SOX6: variants seen among roughly 807,000 people sequenced by gnomAD.
SOX6 encodes transcription factor SOX-6.
A neutral mutation model predicts 97.8 loss-of-function variants in SOX6; 11 were observed. The ratio of observed to expected loss-of-function variants is 0.11; its 90% CI spans 0.07 to 0.19. The LOEUF is 0.19. SOX6 is among the 10% of genes least tolerant of loss of function. The probability of loss-of-function intolerance (pLI) is 1.00; values close to 1 mark genes in which losing one functional copy is unlikely to be tolerated. For missense variants in SOX6, 810 were observed against 1,039.5 expected (o/e 0.78, Z 3.04); for synonymous variants, 360 against 371.4 (o/e 0.97, Z 0.35).
chr11:16,059,366 A>T (rs1159704419), intron 9 of SOX6, among the ~76,000 whole-genome samples: 1 of 152,016 alleles, frequency 6.6e-6, no homozygotes, highest in African/African-American at 2.4e-5. Flanking sequence ...TGATGGTCAC[A>T]TTTCTATCAT....
chr11:16,456,980 T>G (rs1859821804), intron 1 of SOX6, among the ~76,000 whole-genome samples: 1 of 152,116 alleles, frequency 6.6e-6, no homozygotes, highest in African/African-American at 2.4e-5. Flanking sequence ...ACTCATACCT[T>G]ATATTCTATC....
At position 16,259,945 on chromosome 11, in the gene SOX6, ATGTGTGTG is replaced by A. The variant is rs5789946; in HGVS notation, c.446-25282_446-25275del. Among the ~76,000 whole-genome samples, 228 of 149,146 alleles carry A rather than the reference ATGTGTGTG, an allele frequency of 1.5e-3. 1 individual carries two copies. The highest frequency in any genetic ancestry group is 2.6e-3 in the Non-Finnish European group (176 of 67,346). On this transcript the variant is annotated intron_variant, in intron 3 of 15. Coordinates refer to ENST00000683767, the MANE Select transcript of SOX6 (RefSeq NM_001367873.1). ...CATGTTATACTTCAATGTCCCAAAT[ATGTGTGTG>A]TGTGTGTGTGTGTGTGTGTGTATAT...
At chr11:16,018,513 A>C (rs1854953105) in intron 12 of SOX6, among the ~76,000 whole-genome samples, 2 of 152,124 alleles carry the variant, frequency 1.3e-5, no homozygotes, top group Admixed American at 1.3e-4. Context: ...GGGAAAGAAC[A>C]GCAATGAAAC....
intron 4 of SOX6, among the ~76,000 whole-genome samples, chr11:16,217,576 T>C (rs1852410901): frequency 6.6e-6 from 1 of 152,212 alleles, no homozygotes; most frequent in African/African-American, 2.4e-5. Flanking sequence ...AGATTTCTTT[T>C]ACAATCACAC....
intron 6 of SOX6, among the ~76,000 whole-genome samples, chr11:16,113,523 T>C (rs1189392380): frequency 6.6e-6 from 1 of 152,148 alleles, no homozygotes; most frequent in Non-Finnish European, 1.5e-5. Flanking sequence ...CTCTAGCTTG[T>C]TGTACCCTGA....
At chr11:16,132,306 GGAAGGAAGGAAGGAAGGAAGGAAGGAAA>G (rs1849772368) in intron 6 of SOX6, among the ~76,000 whole-genome samples, 1 of 112,110 alleles carries the variant, frequency 8.9e-6, no homozygotes, top group African/African-American at 3.5e-5. Flanking sequence ...AAGGAAGGAA[GGAAGGAAGGAAGGAAGGAAGGAAGGAAA>G]GAAAAAAGAA....
intron 1 of SOX6, among the ~76,000 whole-genome samples, chr11:16,395,086 T>C (rs188223806): frequency 9.2e-4 from 140 of 151,994 alleles, no homozygotes; most frequent in African/African-American, 3.1e-3. Context: ...TACTTTGCTT[T>C]CTGTCAATCT....
rs11529597 is a variant in SOX6, at chr11:16,670,317, C to G, written n.429+44513G>C. Among the ~76,000 whole-genome samples the G allele has an allele frequency of 7.2e-5, 11 of 152,164 alleles. No individual in the cohort carries two copies. The East Asian group carries it at 1.6e-3, about 21-fold the overall frequency. On this transcript the variant is annotated intron_variant and non_coding_transcript_variant, in intron 3 of 5. Coordinates refer to the SOX6 transcript ENST00000524520. The stretch of plus-strand genomic sequence containing the variant: ...AGAAGAGACCAATCTCTCCTCCCTG[C>G]GAGCCTTCAACCCCCTCCTCCCCAA...
chr11:16,247,695 A>G (rs536950894), intron 3 of SOX6, among the ~76,000 whole-genome samples: 1 of 152,278 alleles, frequency 6.6e-6, no homozygotes, highest in South Asian at 2.1e-4. Context: ...ACCTCCCACC[A>G]GGTCCCTTCC....
upstream of SOX6, among the ~76,000 whole-genome samples, chr11:16,359,117 C>G (rs924310421): frequency 6.6e-6 from 1 of 151,910 alleles, no homozygotes; most frequent in Admixed American, 6.6e-5. Flanking sequence ...GAAGAAGGAA[C>G]AAATACCTCA....
At chr11:16,724,805 G>T (rs1283934843) in intron 2 of SOX6, among the ~76,000 whole-genome samples, 1 of 152,168 alleles carries the variant, frequency 6.6e-6, no homozygotes, top group Non-Finnish European at 1.5e-5. Context: ...CTCAAACGTA[G>T]TTTCAACACT....
chr11:16,156,464 C>A (rs1253997508), intron 6 of SOX6, among the ~76,000 whole-genome samples: 1 of 152,002 alleles, frequency 6.6e-6, no homozygotes, highest in Non-Finnish European at 1.5e-5. Context: ...ATCTGTATTT[C>A]TAACCCAGAC....
At chr11:15,986,447 C>A in intron 14 of SOX6, 27 bp from the exon 15 acceptor site, 1 of 1,609,324 alleles carries the variant, frequency 6.2e-7, no homozygotes, top group Non-Finnish European at 8.5e-7. Flanking sequence ...CCTTAAGTAC[C>A]CAAGTGGTCA....
chr11:16,007,787 G>A (rs1288907186), intron 13 of SOX6, among the ~76,000 whole-genome samples: 2 of 152,118 alleles, frequency 1.3e-5, no homozygotes, highest in Non-Finnish European at 2.9e-5. Context: ...AACTCTATCA[G>A]TCAGGGTTTA....
At chr11:16,259,365 T>G (rs1590070829) in intron 3 of SOX6, among the ~76,000 whole-genome samples, 1 of 152,144 alleles carries the variant, frequency 6.6e-6, no homozygotes, top group East Asian at 1.9e-4. Flanking sequence ...CTCCCTAAAT[T>G]GATATATAAA....
rs759096570 is a variant in SOX6, at chr11:16,300,338, C to G, written c.445+18108G>C. Among the ~76,000 whole-genome samples the G allele has an allele frequency of 3.3e-5, 5 of 152,270 alleles. No homozygotes were observed. The highest frequency in any genetic ancestry group is 6.5e-5 in the Admixed American group (1 of 15,296). ...GTCCCTTCCTTAAGAAAAAGCAGGT[C>G]TAATTAGTTGTCTTCCTAAAATGCA... On this transcript the variant is annotated intron_variant, in intron 3 of 15. Transcript: ENST00000683767. The surrounding 1 kb of genome is among the most constrained non-coding windows in gnomAD (Gnocchi z 4.1).
chr11:16,123,934 C>T (rs1411588034), intron 6 of SOX6, among the ~76,000 whole-genome samples: 1 of 152,102 alleles, frequency 6.6e-6, no homozygotes, highest in African/African-American at 2.4e-5. Flanking sequence ...CTCCTCTTTG[C>T]CTACTACATT....
chr11:16,567,000 T>C (rs918918386), intron 4 of SOX6, among the ~76,000 whole-genome samples: 2 of 152,222 alleles, frequency 1.3e-5, no homozygotes, highest in Admixed American at 1.3e-4. Context: ...TAAAAAGGAA[T>C]GAAGTGCAGA....
intron 1 of SOX6, among the ~76,000 whole-genome samples, chr11:16,415,408 G>A (rs1387019848): frequency 6.6e-6 from 1 of 151,910 alleles, no homozygotes; most frequent in Non-Finnish European, 1.5e-5. Flanking sequence ...GAGAAAAACA[G>A]GGAGAAGTTG....
Sources: gnomAD v4.1 joint callset for allele counts (sites outside exome capture counted in the v4.1 genomes callset) on GRCh38, gnomAD v4.1.1 for gene constraint, Gnocchi (gnomAD v3.1) non-coding constraint, MANE v1.5 for transcripts, NCBI Gene and HGNC (gene_info 2026-07-23, HGNC 2026-07-21) for gene names.